NDUFAF5: variants seen among roughly 807,000 people sequenced by gnomAD.
NDUFAF5 encodes the protein NADH:ubiquinone oxidoreductase complex assembly factor 5.
Under a neutral mutation model 48.9 loss-of-function variants are expected in NDUFAF5, and 34 were observed. That is an observed-to-expected ratio of 0.70 (90% confidence interval 0.53 to 0.93). NDUFAF5 has a LOEUF of 0.93. NDUFAF5 is among the 40% of genes least tolerant of loss of function. The pLI is 0.00. For synonymous variants in NDUFAF5, 153 were observed against 150.6 expected, an observed-to-expected ratio of 1.02 and a Z score of -0.12; for missense variants, 428 against 427.5, an observed-to-expected ratio of 1.00 and a Z score of -0.01.
chr20:13,794,746 T>C (rs1982903556), intron 4 of NDUFAF5, 92 bp from the exon 5 acceptor site: 3 of 869,326 alleles, frequency 3.5e-6, no homozygotes, highest in South Asian at 2.9e-5. Context: ...CAAGTAAATA[T>C]AACATTGACT....
chr20:13,809,015 C>A, intron 8 of NDUFAF5, 113 bp downstream of exon 8: 5 of 735,264 alleles, frequency 6.8e-6, no homozygotes, highest in Non-Finnish European at 1.2e-5. Context: ...TTGGCAGGCA[C>A]TGGGCAAAGC....
chr20:13,801,795 C>A, intron 7 of NDUFAF5, 112 bp downstream of exon 7: 2 of 920,842 alleles, frequency 2.2e-6, no homozygotes, highest in South Asian at 1.5e-5. Flanking sequence ...CTCTTTCTCT[C>A]CCTTTTTTTT....
rs752837804 is a variant in NDUFAF5, at chr20:13,785,093, CGCT to C, written c.26_28del (p.Arg9del). The C allele has an allele frequency of 6.2e-7, 1 of 1,612,896 alleles. No homozygotes were observed. Among genetic ancestry groups the C allele is most frequent in the South Asian group, 1.1e-5 (1 of 91,028 alleles). ...GATGCTGCGGCCGGCAGGGCTCTGG[CGCT>C]TATGTCGGCGACCTTGGGCGGCGAG... On this transcript the variant is annotated inframe_deletion, in exon 1 of 11. Transcript: ENST00000378106.
intron 8 of NDUFAF5, chr20:13,814,360 AT>A: frequency 2.8e-5 from 24 of 866,734 alleles, no homozygotes; most frequent in Non-Finnish European, 3.8e-5. Flanking sequence ...TTTGTGGTGT[AT>A]TTTTTTTCTT....
At chr20:13,798,613 A>G (rs1568760633) in intron 6 of NDUFAF5, 113 bp downstream of exon 6, 4 of 866,748 alleles carry the variant, frequency 4.6e-6, no homozygotes, top group Non-Finnish European at 7.7e-6. Context: ...CAGTTGGGAA[A>G]GAAATCGGTG....
intron 7 of NDUFAF5, among the ~76,000 whole-genome samples, chr20:13,804,785 C>T (rs767855815): frequency 1.6e-4 from 24 of 152,182 alleles, no homozygotes; most frequent in Non-Finnish European, 4.4e-5. Context: ...TCAAATATAG[C>T]AGTGAACAAA....
intron 8 of NDUFAF5, chr20:13,814,565 CTG>C: frequency 2.2e-6 from 2 of 926,520 alleles, no homozygotes; most frequent in East Asian, 6.1e-5. Flanking sequence ...TTTTAGTAAA[CTG>C]TAATAAATTA....
chr20:13,812,220 C>T (rs1402838682), intron 8 of NDUFAF5, among the ~76,000 whole-genome samples: 3 of 152,190 alleles, frequency 2.0e-5, no homozygotes, highest in Non-Finnish European at 2.9e-5. Flanking sequence ...GAGCTTCTGT[C>T]ACTCTGCAAA....
intron 3 of NDUFAF5, among the ~76,000 whole-genome samples, chr20:13,789,247 C>G (rs1443792354): frequency 6.6e-6 from 1 of 152,000 alleles, no homozygotes; most frequent in Non-Finnish European, 1.5e-5. Flanking sequence ...TCACTGCAAC[C>G]TCTGCCTCCC....
In NDUFAF5 at chr20:13,793,242, A is replaced by C; in HGVS notation, c.375+15A>C. ...AAAATGCTTTGGTAGGTAGCTTTTT[A>C]ATACTGTTGGTTTCTAATCTCGTGA... On this transcript the variant is annotated intron_variant, in intron 4 of 10. Coordinates refer to ENST00000378106, the MANE Select transcript of NDUFAF5 (RefSeq NM_024120.5). 1 of 1,601,406 alleles carries C rather than the reference A, an allele frequency of 6.2e-7. No individual in the cohort carries two copies.
intron 1 of NDUFAF5, among the ~76,000 whole-genome samples, chr20:13,786,143 C>A (rs1691315636): frequency 6.6e-6 from 1 of 152,160 alleles, no homozygotes; most frequent in African/African-American, 2.4e-5. Context: ...GTTCAGGCCT[C>A]AGTAAATTTT....
At chr20:13,807,204 GC>G in intron 7 of NDUFAF5, among the ~76,000 whole-genome samples, 1 of 152,072 alleles carries the variant, frequency 6.6e-6, no homozygotes, top group South Asian at 2.1e-4. Flanking sequence ...CAACCACCAT[GC>G]CTGGCTAATT....
rs756119794 is a variant in NDUFAF5, at chr20:13,808,870, C to T, written c.746C>T (p.Pro249Leu). The part of the protein sequence containing the change: ...VDTDEIQVNY[P>L]GMFELMEDLQ... Reference sequence around the variant, plus strand: ...ACTGATGAAATTCAAGTTAACTATCCTGGAATGTTTGAATTGATGGAAGAT... The same window carrying T: ...ACTGATGAAATTCAAGTTAACTATCTTGGAATGTTTGAATTGATGGAAGAT... Residue 249 changes from proline (P) to leucine (L), a missense_variant, in exon 8 of 11, where the codon CCT becomes CTT. Coordinates refer to ENST00000378106, the MANE Select transcript of NDUFAF5 (RefSeq NM_024120.5). 9 of 1,591,978 alleles carry T rather than the reference C, an allele frequency of 5.7e-6. No homozygotes were observed. Among genetic ancestry groups the T allele is most frequent in the Non-Finnish European group, 7.8e-6 (9 of 1,160,156 alleles).
At chr20:13,809,986 GC>G (rs1452828695) in intron 8 of NDUFAF5, among the ~76,000 whole-genome samples, 1 of 152,210 alleles carries the variant, frequency 6.6e-6, no homozygotes, top group African/African-American at 2.4e-5. Flanking sequence ...GGCAGGTACA[GC>G]CCTTGAGTTT....
chr20:13,787,620 T>C (rs1981414868), intron 2 of NDUFAF5, among the ~76,000 whole-genome samples: 1 of 152,200 alleles, frequency 6.6e-6, no homozygotes, highest in Non-Finnish European at 1.5e-5. Flanking sequence ...AAGCAAGTAA[T>C]AGAAAGATTG....
At chr20:13,800,864 C>T (rs1030317563) in intron 6 of NDUFAF5, among the ~76,000 whole-genome samples, 1 of 152,152 alleles carries the variant, frequency 6.6e-6, no homozygotes, top group Non-Finnish European at 1.5e-5. Flanking sequence ...CCTCGGTGCA[C>T]ACAGCTGGCT....
Position 13,817,516 on chromosome 20 carries a change from C to G in NDUFAF5, c.*306C>G, listed in dbSNP as rs1467575898. 1 of 497,732 alleles carries G rather than the reference C, an allele frequency of 2.0e-6. No individual in the cohort carries two copies. The highest frequency in any genetic ancestry group is 3.9e-6 in the Non-Finnish European group (1 of 256,556). 30.8% of individuals were successfully genotyped at this position (497,732 alleles called of 1,614,324 possible). ...CCTTGGAAAATATTACTCATGCTGA[C>G]CTTTTACACCTTTTTCATTTGTCAT... On this transcript the variant is annotated 3_prime_UTR_variant, in exon 11 of 11. Transcript: ENST00000378106.
intron 8 of NDUFAF5, 135 bp downstream of exon 8, chr20:13,809,037 A>G (rs1985481272): frequency 2.9e-6 from 2 of 680,142 alleles, no homozygotes; most frequent in Non-Finnish European, 5.3e-6. Flanking sequence ...CTAGGGATCC[A>G]TTGTTGAGGA....
At position 13,817,956 on chromosome 20, in the gene NDUFAF5, C is replaced by G. The variant is rs957920434; in HGVS notation, c.*746C>G. 2.2e-6 allele frequency: 1 copy of G among 454,028 alleles called. No homozygotes were observed. Among genetic ancestry groups the G allele is most frequent in the African/African-American group, 2.0e-5 (1 of 49,998 alleles). 28.1% of individuals were successfully genotyped at this position (454,028 alleles called of 1,614,324 possible). On this transcript the variant is annotated 3_prime_UTR_variant, in exon 11 of 11. Transcript: ENST00000378106. ...GACAGCTTAGGATAGGTGAGAAGAA[C>G]ATAGAGGAAGCAGGGAGAAGGCTGA...
Sources: allele counts gnomAD v4.1 joint callset (sites outside exome capture counted in the v4.1 genomes callset), GRCh38; gene constraint gnomAD v4.1.1; transcripts MANE v1.5; gene names NCBI Gene and HGNC (gene_info 2026-07-23, HGNC 2026-07-21).